The following DNAH11 variants were observed in gnomAD, a reference collection of about 807,000 sequenced individuals.
The protein encoded by DNAH11 is axonemal beta dynein heavy chain 11.
A neutral mutation model predicts 526.0 loss-of-function variants in DNAH11; 442 were observed. The ratio of observed to expected loss-of-function variants is 0.84; its 90% CI spans 0.78 to 0.91. DNAH11 has a LOEUF of 0.91. Ranked by LOEUF, DNAH11 falls within the 40% of genes least tolerant of loss-of-function variation. DNAH11 has a pLI of 0.00. For synonymous variants in DNAH11, 2,461 were observed against 1,935.9 expected (o/e 1.27, Z -7.12); for missense variants, 6,989 against 5,448.7 (o/e 1.28, Z -8.90).
At chr7:21,684,923 A>T (rs1042603872) in intron 32 of DNAH11, among the ~76,000 whole-genome samples, 8 of 152,216 alleles carry the variant, frequency 5.3e-5, no homozygotes, top group African/African-American at 1.4e-4. Context: ...CCTCAAGGTC[A>T]TAGCTGCATG....
intron 6 of DNAH11, among the ~76,000 whole-genome samples, chr7:21,568,003 A>G (rs776371197): frequency 6.6e-5 from 10 of 152,122 alleles, no homozygotes; most frequent in Non-Finnish European, 1.2e-4. Flanking sequence ...CACCTACAAG[A>G]TCCTAGGTGA....
In DNAH11 at chr7:21,588,032, G is replaced by A. The variant is rs368875368; in HGVS notation, c.1711-32G>A. On this transcript the variant is annotated intron_variant, in intron 9 of 81. Transcript: ENST00000409508. ...TGAGTATTTGTTAAAAACTCATAGT[G>A]CTTAATGTTGCCTTCACTTTGATTT... is the stretch of plus-strand genomic sequence containing the variant. The A allele has an allele frequency of 1.2e-5, 20 of 1,607,024 alleles. No homozygotes were observed. In the African/African-American group the frequency reaches 2.5e-4, roughly 20 times the overall value.
At chr7:21,785,577 C>T (rs1001163256) in intron 58 of DNAH11, among the ~76,000 whole-genome samples, 1 of 152,062 alleles carries the variant, frequency 6.6e-6, no homozygotes, top group Non-Finnish European at 1.5e-5. Context: ...AGTAATTGGT[C>T]GTCTCTGAGT....
chr7:21,854,253 T>G, intron 67 of DNAH11, 62 bp from the exon 68 acceptor site: 2 of 1,554,970 alleles, frequency 1.3e-6, no homozygotes, highest in South Asian at 2.5e-5. Flanking sequence ...TTCCATTCCT[T>G]GGATATGCGT....
chr7:21,631,036 A>G (rs1277992925), intron 25 of DNAH11, among the ~76,000 whole-genome samples: 1 of 152,188 alleles, frequency 6.6e-6, no homozygotes, highest in Non-Finnish European at 1.5e-5. Flanking sequence ...AAAGAGGTTT[A>G]TTGGACTTAC....
chr7:21,575,339 T>C (rs1004816858), intron 8 of DNAH11, among the ~76,000 whole-genome samples: 2 of 152,206 alleles, frequency 1.3e-5, no homozygotes, highest in Admixed American at 6.5e-5. Flanking sequence ...TGATTTTCAG[T>C]GGGAAGCTTT....
chr7:21,809,004 T>C (rs185942216), intron 63 of DNAH11, among the ~76,000 whole-genome samples: 104 of 152,342 alleles, frequency 6.8e-4, no homozygotes, highest in African/African-American at 2.4e-3. Context: ...ACCAGCAGTA[T>C]ACAAGCTTTC....
At chr7:21,693,645 C>A (rs180847191) in intron 35 of DNAH11, among the ~76,000 whole-genome samples, 1 of 152,132 alleles carries the variant, frequency 6.6e-6, no homozygotes, top group Non-Finnish European at 1.5e-5. Flanking sequence ...TTAATAGATA[C>A]AGGGATTTTC....
intron 5 of DNAH11, among the ~76,000 whole-genome samples, chr7:21,563,493 G>A (rs1562663257): frequency 6.6e-6 from 1 of 152,020 alleles, no homozygotes; most frequent in African/African-American, 2.4e-5. Context: ...ACTGCACCTG[G>A]CCCGCTGTAG....
intron 9 of DNAH11, among the ~76,000 whole-genome samples, chr7:21,585,854 G>C (rs1784463642): frequency 6.6e-6 from 1 of 152,176 alleles, no homozygotes; most frequent in South Asian, 2.1e-4. Flanking sequence ...GGCAAACCTT[G>C]CAGATCTCAG....
At chr7:21,669,868 A>T (rs1277210521) in intron 30 of DNAH11, among the ~76,000 whole-genome samples, 1 of 151,960 alleles carries the variant, frequency 6.6e-6, no homozygotes, top group African/African-American at 2.4e-5. Flanking sequence ...CTATTTTCAG[A>T]TTCTCTTGTT....
intron 28 of DNAH11, among the ~76,000 whole-genome samples, chr7:21,643,444 G>C (rs1787211417): frequency 6.6e-6 from 1 of 152,160 alleles, no homozygotes; most frequent in Non-Finnish European, 1.5e-5. Context: ...GTTAGGTTTG[G>C]AGAAGCTAAT....
Position 21,899,994 on chromosome 7 carries a change from A to G in DNAH11, c.13177A>G (p.Met4393Val), listed in dbSNP as rs752884953. ...TATTTCCAAAGCAATCATGCAGACGATGGCTCGAAAAAATGAGTGGCCCCT... is the reference window on the plus strand; with the variant it reads ...TATTTCCAAAGCAATCATGCAGACGGTGGCTCGAAAAAATGAGTGGCCCCT... ...QSFLTAIMQT[M>V]ARKNEWPLDK... Residue 4393 changes from methionine to valine, a missense_variant, in exon 81 of 82, where the codon ATG becomes GTG. Physicochemically the swap from Met to Val is conservative, Grantham distance 21. Coordinates refer to ENST00000409508, the MANE Select transcript of DNAH11 (RefSeq NM_001277115.2). The G allele has an allele frequency of 1.9e-6, 3 of 1,613,826 alleles. No homozygotes were observed. In the African/African-American group the frequency reaches 4.0e-5, roughly 22 times the overall value.
intron 62 of DNAH11, among the ~76,000 whole-genome samples, chr7:21,803,974 G>C (rs536736481): frequency 6.6e-6 from 1 of 152,250 alleles, no homozygotes; most frequent in Non-Finnish European, 1.5e-5. Flanking sequence ...CATCTCATGG[G>C]ACTGGGCACA....
At position 21,901,804 on chromosome 7, in the gene DNAH11, C is replaced by CAA. The variant is rs1784881175; in HGVS notation, c.*551_*552dup. ...TGTTGATGGTCCCCTTTTGTTCAGT[C>CAA]AAGTTTTAATAAAAATAAAACTGTT... is the stretch of plus-strand genomic sequence containing the variant. On this transcript the variant is annotated 3_prime_UTR_variant, in exon 82 of 82. Coordinates refer to ENST00000409508, the MANE Select transcript of DNAH11 (RefSeq NM_001277115.2). 2 of 164,232 alleles carry CAA rather than the reference C, an allele frequency of 1.2e-5. No individual in the cohort carries two copies. Among genetic ancestry groups the CAA allele is most frequent in the African/African-American group, 4.8e-5 (2 of 41,528 alleles). 10.2% of individuals were successfully genotyped at this position (164,232 alleles called of 1,614,324 possible).
At chr7:21,862,114 A>T in intron 69 of DNAH11, 91 bp downstream of exon 69, 3 of 1,246,976 alleles carry the variant, frequency 2.4e-6, no homozygotes, top group Non-Finnish European at 3.2e-6. Context: ...GAAGCAAAAT[A>T]TAATAGACTT....
chr7:21,549,517 AGTTT>A (rs1174281866), intron 2 of DNAH11, among the ~76,000 whole-genome samples: 19 of 152,244 alleles, frequency 1.2e-4, no homozygotes, highest in African/African-American at 3.9e-4. Flanking sequence ...GTTTTTTATT[AGTTT>A]GAGAACAAAT....
At chr7:21,620,219 A>G (rs909946765) in intron 25 of DNAH11, 141 bp downstream of exon 25, 1 of 744,692 alleles carries the variant, frequency 1.3e-6, no homozygotes. Context: ...CATCTCATAC[A>G]CTTAACATTT....
intron 65 of DNAH11, among the ~76,000 whole-genome samples, chr7:21,818,888 C>T (rs1789931891): frequency 6.6e-6 from 1 of 152,080 alleles, no homozygotes; most frequent in African/African-American, 2.4e-5. Context: ...AGAAATACTT[C>T]CCCCTACCCC....
Sources: gnomAD v4.1 joint callset for allele counts (sites outside exome capture counted in the v4.1 genomes callset) on GRCh38, gnomAD v4.1.1 for gene constraint, MANE v1.5 for transcripts, NCBI Gene and HGNC (gene_info 2026-07-23, HGNC 2026-07-21) for gene names.